Variants in BACH1 observed in about 807,000 individuals in gnomAD.
BACH1 encodes the protein BTB domain and CNC homolog 1.
Under a neutral mutation model 52.9 loss-of-function variants are expected in BACH1, and 35 were observed. That is an observed-to-expected ratio of 0.66 (90% CI 0.51 to 0.88). The LOEUF is 0.88. BACH1 is among the 40% of genes least tolerant of loss of function. The probability of loss-of-function intolerance (pLI) is 0.00; values close to 1 mark genes in which losing one functional copy is unlikely to be tolerated. For synonymous variants in BACH1, 321 were observed against 319.6 expected (o/e 1.00, Z -0.05); for missense variants, 808 against 872.6 (o/e 0.93, Z 0.93).
At position 29,309,213 on chromosome 21, in the gene BACH1, G is replaced by T. The variant is rs572046672; in HGVS notation, c.-61+10260G>T. ...ACAGGTGTTACAGTGAGCCAAGATT[G>T]TGCCACTGCACTCCAGCCTGGGTGA... On this transcript the variant is annotated intron_variant, in intron 1 of 4. Coordinates refer to ENST00000286800, the MANE Select transcript of BACH1 (RefSeq NM_001186.4). 8.7e-5 allele frequency among the ~76,000 whole-genome samples: 13 copies of T among 149,210 alleles called. No individual in the cohort carries two copies. The South Asian group carries it at 2.5e-3, about 29-fold the overall frequency.
In BACH1 at chr21:29,343,056, G is replaced by A. The variant is rs1601369763; in HGVS notation, c.*223G>A. 7 of 434,700 alleles carry A rather than the reference G, an allele frequency of 1.6e-5. 1 individual carries two copies. In the South Asian group the frequency reaches 2.6e-4, roughly 16 times the overall value. The allele number at this position is 434,700 out of a possible 1,614,324, so 26.9% of individuals were successfully genotyped here. On this transcript the variant is annotated 3_prime_UTR_variant, in exon 5 of 5. Transcript: ENST00000286800. Reference sequence around the variant, plus strand: ...ATATCAGAAAAATCCATGTGAAAATGTAGTAAACCTTTAAAACTCATGTTT... The same window carrying A: ...ATATCAGAAAAATCCATGTGAAAATATAGTAAACCTTTAAAACTCATGTTT...
intron 4 of BACH1, among the ~76,000 whole-genome samples, chr21:29,331,332 T>G (rs1164548230): frequency 7.2e-5 from 11 of 152,226 alleles, no homozygotes; most frequent in Admixed American, 7.2e-4. Flanking sequence ...TTATAGTAGT[T>G]CATAGAGTTT....
chr21:29,334,131 G>A (rs545189744), intron 4 of BACH1, among the ~76,000 whole-genome samples: 3 of 150,620 alleles, frequency 2.0e-5, no homozygotes, highest in Admixed American at 1.3e-4. Context: ...TTGAGGCAGA[G>A]TCTCGCTCTT....
At chr21:29,307,674 A>G (rs2088674928) in intron 1 of BACH1, among the ~76,000 whole-genome samples, 1 of 152,146 alleles carries the variant, frequency 6.6e-6, no homozygotes, top group Admixed American at 6.5e-5. Flanking sequence ...TAGTATATAT[A>G]TAGGGTTTGT....
chr21:29,332,012 T>A (rs2088989533), intron 4 of BACH1, among the ~76,000 whole-genome samples: 1 of 152,262 alleles, frequency 6.6e-6, no homozygotes, highest in Non-Finnish European at 1.5e-5. Flanking sequence ...GCGATTCTCC[T>A]GTCTCTGTCT....
At chr21:29,357,388 C>G (rs1429114638) in intron 2 of BACH1, among the ~76,000 whole-genome samples, 1 of 152,220 alleles carries the variant, frequency 6.6e-6, no homozygotes, top group Non-Finnish European at 1.5e-5. Context: ...TGTTGGCAGT[C>G]ACGCTCGATT....
At chr21:29,300,698 CTA>C (rs1283411534) in intron 1 of BACH1, 2 of 152,138 alleles carry the variant, frequency 1.3e-5, no homozygotes, top group Non-Finnish European at 2.9e-5. Context: ...GTTACGTGGT[CTA>C]TAAGTTTCAA....
intron 2 of BACH1, among the ~76,000 whole-genome samples, chr21:29,354,667 G>A (rs1048215126): frequency 6.6e-6 from 1 of 152,176 alleles, no homozygotes; most frequent in Non-Finnish European, 1.5e-5. Context: ...TGGTGAACAC[G>A]AGGTCAGAGC....
chr21:29,301,203 A>G (rs2088599223), intron 1 of BACH1, among the ~76,000 whole-genome samples: 2 of 152,222 alleles, frequency 1.3e-5, no homozygotes, highest in Admixed American at 6.5e-5. Context: ...TGTAAGTATT[A>G]GGGCCTCCAA....
intron 3 of BACH1, 121 bp downstream of exon 3, chr21:29,327,514 A>G (rs1393495729): frequency 1.5e-6 from 2 of 1,334,700 alleles, no homozygotes; most frequent in African/African-American, 3.0e-5. Context: ...GAGGAAACTC[A>G]TACAAAATTA....
At chr21:29,340,595 A>G (rs558151451) in intron 4 of BACH1, among the ~76,000 whole-genome samples, 1 of 152,368 alleles carries the variant, frequency 6.6e-6, no homozygotes, top group South Asian at 2.1e-4. Flanking sequence ...ATTTAATTTA[A>G]AAGACCAACC....
chr21:29,324,156 G>A (rs576818475), intron 2 of BACH1, among the ~76,000 whole-genome samples: 3 of 150,742 alleles, frequency 2.0e-5, no homozygotes, highest in Non-Finnish European at 4.4e-5. Flanking sequence ...GGAGACTGAG[G>A]CAGGAGAATC....
At chr21:29,357,598 T>G (rs1213199239) in intron 2 of BACH1, among the ~76,000 whole-genome samples, 1 of 152,176 alleles carries the variant, frequency 6.6e-6, no homozygotes, top group Non-Finnish European at 1.5e-5. Flanking sequence ...ATTATTTTGA[T>G]AGCCTCTGAC....
intron 1 of BACH1, among the ~76,000 whole-genome samples, chr21:29,313,337 C>T (rs1227607747): frequency 6.6e-6 from 1 of 152,198 alleles, no homozygotes; most frequent in East Asian, 1.9e-4. Context: ...TCATACACTG[C>T]TGGTAGCAAG....
intron 4 of BACH1, among the ~76,000 whole-genome samples, chr21:29,332,827 G>A (rs1279185632): frequency 6.6e-6 from 1 of 152,190 alleles, no homozygotes; most frequent in Non-Finnish European, 1.5e-5. Flanking sequence ...CCTCTTCTGT[G>A]ACTAGCGAGC....
At chr21:29,330,783 GA>G (rs2088971790) in intron 4 of BACH1, among the ~76,000 whole-genome samples, 1 of 151,676 alleles carries the variant, frequency 6.6e-6, no homozygotes, top group South Asian at 2.1e-4. Flanking sequence ...ACAATTTAGG[GA>G]AAAAAATTGT....
intron 4 of BACH1, among the ~76,000 whole-genome samples, chr21:29,341,492 G>A (rs564722383): frequency 6.6e-5 from 10 of 152,284 alleles, no homozygotes; most frequent in Admixed American, 2.6e-4. Flanking sequence ...GGATGAAATG[G>A]GATGATAATA....
chr21:29,355,767 A>G (rs931942353), intron 2 of BACH1, among the ~76,000 whole-genome samples: 4 of 152,238 alleles, frequency 2.6e-5, no homozygotes, highest in Non-Finnish European at 4.4e-5. Context: ...TAATAGCAAG[A>G]TGGCTGCCAC....
chr21:29,321,641 A>AC (rs1447081914), intron 2 of BACH1, 127 bp downstream of exon 2: 56 of 691,918 alleles, frequency 8.1e-5, no homozygotes, highest in East Asian at 5.7e-4. Flanking sequence ...GTTCTGTGCA[A>AC]CCCCTTTTTT....
Sources: gnomAD v4.1 joint callset for allele counts (sites outside exome capture counted in the v4.1 genomes callset) on GRCh38, gnomAD v4.1.1 for gene constraint, MANE v1.5 for transcripts, NCBI Gene and HGNC (gene_info 2026-07-23, HGNC 2026-07-21) for gene names.